Variants in AFDN observed in about 807,000 individuals in gnomAD.
AFDN encodes the protein afadin, adherens junction formation factor.
A neutral mutation model predicts 216.6 loss-of-function variants in AFDN; 68 were observed. The ratio of observed to expected loss-of-function variants is 0.31; its 90% confidence interval spans 0.26 to 0.38. The LOEUF (loss-of-function observed/expected upper bound fraction) is 0.38. AFDN is among the 10% of genes least tolerant of loss of function. The probability of loss-of-function intolerance (pLI) is 1.00; values close to 1 mark genes in which losing one functional copy is unlikely to be tolerated. For missense variants in AFDN, 2,136 were observed against 2,342.0 expected (o/e 0.91, Z 1.82); for synonymous variants, 868 against 853.7 (o/e 1.02, Z -0.29).
At chr6:167,879,819 A>G (rs1785888761) in intron 5 of AFDN, among the ~76,000 whole-genome samples, 1 of 152,218 alleles carries the variant, frequency 6.6e-6, no homozygotes, top group Admixed American at 6.5e-5. Context: ...CTCTTTTGAA[A>G]AATCTTTGGC....
chr6:167,826,801 C>G (rs969552755), upstream of AFDN: 17 of 149,718 alleles, frequency 1.1e-4, no homozygotes, highest in Non-Finnish European at 2.1e-4. Flanking sequence ...TGGAGCGGCC[C>G]GGAGGTGCGG....
intron 27 of AFDN, among the ~76,000 whole-genome samples, chr6:167,947,564 A>G (rs1303394410): frequency 6.6e-6 from 1 of 152,224 alleles, no homozygotes; most frequent in African/African-American, 2.4e-5. Context: ...AGGCTCACAA[A>G]GCCTAAAGTA....
chr6:167,854,837 A>AT (rs1782715720), intron 1 of AFDN, among the ~76,000 whole-genome samples: 1 of 150,698 alleles, frequency 6.6e-6, no homozygotes, highest in Admixed American at 6.6e-5. Context: ...ATTGCTCTGG[A>AT]TTTCTTGCTT....
intron 4 of AFDN, 51 bp downstream of exon 4, chr6:167,872,428 T>C (rs764303497): frequency 6.5e-7 from 1 of 1,549,188 alleles, no homozygotes; most frequent in African/African-American, 1.4e-5. Context: ...AAATCAGATG[T>C]TTTTGTTGCA....
intron 23 of AFDN, among the ~76,000 whole-genome samples, chr6:167,936,238 A>T (rs905743836): frequency 2.6e-5 from 4 of 152,186 alleles, no homozygotes; most frequent in Non-Finnish European, 5.9e-5. Context: ...CACAGTGTTT[A>T]ATGCCGTTTC....
intron 8 of AFDN, among the ~76,000 whole-genome samples, chr6:167,893,348 T>C (rs1004887208): frequency 3.3e-5 from 5 of 152,244 alleles, no homozygotes; most frequent in African/African-American, 1.2e-4. Context: ...TGATTTGTTA[T>C]GAATGGATAA....
chr6:167,858,674 T>C (rs1443492140), intron 1 of AFDN, among the ~76,000 whole-genome samples: 1 of 152,222 alleles, frequency 6.6e-6, no homozygotes, highest in African/African-American at 2.4e-5. Context: ...GTCATTTGAT[T>C]TTAAAGACCA....
intron 11 of AFDN, among the ~76,000 whole-genome samples, chr6:167,898,885 G>A (rs1015144969): frequency 6.6e-6 from 1 of 152,222 alleles, no homozygotes; most frequent in African/African-American, 2.4e-5. Context: ...TCCACCTAGT[G>A]CTTTTCTGAA....
chr6:167,832,590 A>G (rs1035288036), intron 1 of AFDN, among the ~76,000 whole-genome samples: 2 of 152,254 alleles, frequency 1.3e-5, no homozygotes, highest in African/African-American at 4.8e-5. Flanking sequence ...GAGAATAAGC[A>G]TATAGAGAGG....
intron 10 of AFDN, among the ~76,000 whole-genome samples, chr6:167,897,375 TAAAAC>T (rs1205191248): frequency 2.0e-5 from 3 of 152,216 alleles, no homozygotes; most frequent in Admixed American, 1.3e-4. Flanking sequence ...CTCAAGTACT[TAAAAC>T]AGAGCTTAAC....
chr6:167,860,852 C>G (rs1285908970), intron 1 of AFDN, among the ~76,000 whole-genome samples: 1 of 152,254 alleles, frequency 6.6e-6, no homozygotes, highest in Non-Finnish European at 1.5e-5. Flanking sequence ...GTGATGGTCT[C>G]AAGTCACCAA....
chr6:167,886,408 G>C (rs1015132123), intron 6 of AFDN, among the ~76,000 whole-genome samples: 2 of 152,152 alleles, frequency 1.3e-5, no homozygotes, highest in Admixed American at 6.5e-5. Context: ...GTGGGGCATT[G>C]ATTGGGTAAG....
At chr6:167,888,791 T>C (rs1231735121) in intron 6 of AFDN, among the ~76,000 whole-genome samples, 2 of 152,208 alleles carry the variant, frequency 1.3e-5, no homozygotes, top group African/African-American at 4.8e-5. Context: ...ATGGTGGTTA[T>C]CCTAAGATAT....
intron 12 of AFDN, among the ~76,000 whole-genome samples, chr6:167,903,104 A>G (rs1232908402): frequency 1.3e-5 from 2 of 152,228 alleles, no homozygotes; most frequent in Non-Finnish European, 2.9e-5. Flanking sequence ...CTTTGCTTCC[A>G]TAATGATCCC....
rs1267253109 is a variant in AFDN, at chr6:167,864,572, A to T, written c.127A>T (p.Met43Leu). 6.2e-7 allele frequency: 1 copy of T among 1,613,854 alleles called. No individual in the cohort carries two copies. ...PTEDLEFHGV[M>L]RFYFQDKAAG... is the part of the protein sequence containing the mutation. ...TTAGGATTTGGAGTTCCATGGAGTGATGAGATTTTATTTTCAAGATAAAGC... is the reference window on the plus strand; with the variant it reads ...TTAGGATTTGGAGTTCCATGGAGTGTTGAGATTTTATTTTCAAGATAAAGC... The change falls in exon 2 of 34, where the codon ATG becomes TTG. Residue 43 changes from methionine (M) to leucine (L), a missense_variant. Transcript: ENST00000683244.
rs1797857854 is a variant in AFDN at position 167,969,324 on chromosome 6, A to G, written c.5342+126A>G. On this transcript the variant is annotated intron_variant, in intron 33 of 33. Transcript: ENST00000683244. ...ACTCTGTGACCTCACCTGGATTGTA[A>G]TTAGGAATGCTATTGCCCCAAGTGT... The G allele has an allele frequency of 1.5e-5, 11 of 735,128 alleles. 1 individual carries two copies. In the Admixed American group the frequency reaches 2.5e-4, roughly 17 times the overall value. 45.5% of individuals were successfully genotyped at this position (735,128 alleles called of 1,614,324 possible).
At chr6:167,896,188 A>G (rs1208397056) in intron 9 of AFDN, among the ~76,000 whole-genome samples, 1 of 151,410 alleles carries the variant, frequency 6.6e-6, no homozygotes, top group Non-Finnish European at 1.5e-5. Flanking sequence ...GCTCATATAA[A>G]TTAAACATTC....
intron 1 of AFDN, among the ~76,000 whole-genome samples, chr6:167,846,561 T>C (rs966609269): frequency 6.6e-6 from 1 of 152,090 alleles, no homozygotes; most frequent in African/African-American, 2.4e-5. Flanking sequence ...GTTAAGGTTG[T>C]CTGATTACTT....
Position 167,965,783 on chromosome 6 carries a change from C to T in AFDN, c.4995C>T (p.Ser1665=), listed in dbSNP as rs1321908940. 6.4e-7 allele frequency: 1 copy of T among 1,558,162 alleles called. No individual in the cohort carries two copies. Among genetic ancestry groups the T allele is most frequent in the East Asian group, 2.3e-5 (1 of 43,228 alleles). Residue 1665 remains serine, a synonymous_variant, in exon 32 of 34, where the codon AGC becomes AGT. Transcript: ENST00000683244. ...EKRRQEEGYY[S]RLEAERRRQH... is the part of the protein sequence containing the mutation. ...GGCGACAGGAAGAAGGGTATTACAG[C>T]CGCCTGGAAGCCGAGAGGCGCAGAC... is the stretch of plus-strand genomic sequence containing the variant.
Sources: allele counts gnomAD v4.1 joint callset (sites outside exome capture counted in the v4.1 genomes callset), GRCh38; gene constraint gnomAD v4.1.1; transcripts MANE v1.5; gene names NCBI Gene and HGNC (gene_info 2026-07-23, HGNC 2026-07-21).